NTN4: variants seen among roughly 807,000 people sequenced by gnomAD.
The protein encoded by NTN4 is netrin 4.
In NTN4, 32 loss-of-function variants were observed where a neutral mutation model predicts 73.6. The observed-to-expected ratio is 0.44, with a 90% CI of 0.33 to 0.58. NTN4 has a LOEUF of 0.58. NTN4 is among the 20% of genes least tolerant of loss of function. The pLI is 0.04. For synonymous variants in NTN4, 258 were observed against 287.5 expected, an observed-to-expected ratio of 0.90 and a Z score of 1.04; for missense variants, 654 against 798.3, an observed-to-expected ratio of 0.82 and a Z score of 2.18.
At chr12:95,735,905 T>TTTATTTA (rs2078773085) in intron 3 of NTN4, among the ~76,000 whole-genome samples, 6 of 101,616 alleles carry the variant, frequency 5.9e-5, no homozygotes, top group Non-Finnish European at 7.5e-5. Flanking sequence ...TTTTTTAAAT[T>TTTATTTA]TTTATTTATT....
At chr12:95,684,343 G>A (rs1483576077) in intron 5 of NTN4, among the ~76,000 whole-genome samples, 1 of 151,886 alleles carries the variant, frequency 6.6e-6, no homozygotes, top group Non-Finnish European at 1.5e-5. Context: ...CTATCACCAA[G>A]ACCAGAGTGC....
At chr12:95,749,458 C>T (rs375372711) in intron 2 of NTN4, among the ~76,000 whole-genome samples, 6 of 152,302 alleles carry the variant, frequency 3.9e-5, no homozygotes, top group African/African-American at 1.4e-4. Context: ...ACTCTCTTCT[C>T]CAACCTCTCT....
At chr12:95,721,900 G>A (rs2078650563) in intron 3 of NTN4, among the ~76,000 whole-genome samples, 1 of 152,108 alleles carries the variant, frequency 6.6e-6, no homozygotes, top group African/African-American at 2.4e-5. Flanking sequence ...GTATTCAGAA[G>A]TGCAAGTGTG....
At chr12:95,738,234 CT>C in intron 2 of NTN4, 90 bp from the exon 3 acceptor site, 1 of 1,176,382 alleles carries the variant, frequency 8.5e-7, no homozygotes, top group Non-Finnish European at 1.2e-6. Context: ...TGATTTATGC[CT>C]TATGTCATCT....
intron 2 of NTN4, among the ~76,000 whole-genome samples, chr12:95,751,294 C>T (rs1274989764): frequency 6.6e-6 from 1 of 151,618 alleles, no homozygotes; most frequent in African/African-American, 2.4e-5. Flanking sequence ...TAATTAACCT[C>T]GCCTTCAAGG....
intron 2 of NTN4, among the ~76,000 whole-genome samples, chr12:95,760,520 G>C (rs6538671): frequency 5.9e-5 from 9 of 151,934 alleles, no homozygotes; most frequent in Non-Finnish European, 1.0e-4. Flanking sequence ...TCCTCAACTT[G>C]GTGGGCCCAC....
chr12:95,780,099 G>A (rs2079121555), intron 2 of NTN4, among the ~76,000 whole-genome samples: 1 of 152,106 alleles, frequency 6.6e-6, no homozygotes, highest in South Asian at 2.1e-4. Context: ...CTAGCCATAT[G>A]TAGAAAGCTG....
intron 7 of NTN4, among the ~76,000 whole-genome samples, chr12:95,671,794 G>C (rs1401489425): frequency 6.6e-6 from 1 of 152,004 alleles, no homozygotes; most frequent in Admixed American, 6.6e-5. Flanking sequence ...TACATTTCTG[G>C]AGCCCAGCAT....
chr12:95,662,481 T>G (rs1040141328), intron 9 of NTN4, among the ~76,000 whole-genome samples: 1 of 152,086 alleles, frequency 6.6e-6, no homozygotes, highest in Non-Finnish European at 1.5e-5. Context: ...TCCACCCACC[T>G]CAACCTCCCA....
chr12:95,681,563 G>A (rs2078316270), intron 7 of NTN4, among the ~76,000 whole-genome samples: 1 of 152,188 alleles, frequency 6.6e-6, no homozygotes, highest in African/African-American at 2.4e-5. Context: ...ATAGCCAAGT[G>A]TTGACGCAAT....
At chr12:95,767,146 GTC>G (rs1347713234) in intron 2 of NTN4, among the ~76,000 whole-genome samples, 1 of 151,974 alleles carries the variant, frequency 6.6e-6, no homozygotes, top group Non-Finnish European at 1.5e-5. Flanking sequence ...ATCTTCCTCT[GTC>G]TCCCTTTCTT....
chr12:95,789,333 G>T lies in NTN4; in HGVS notation c.55+922C>A, dbSNP rs574961059. Among the ~76,000 whole-genome samples the T allele has an allele frequency of 6.6e-6, 1 of 152,140 alleles. No individual in the cohort carries two copies. The highest frequency in any genetic ancestry group is 1.5e-5 in the Non-Finnish European group (1 of 68,034). ...ACCAGCGCATCCCTCTAGCCCAGGC[G>T]CCCCTTTCTGAAGCAGTCAAGATCC... On this transcript the variant is annotated intron_variant, in intron 1 of 9. Coordinates refer to ENST00000343702, the MANE Select transcript of NTN4 (RefSeq NM_021229.4). The surrounding 1 kb of genome is among the most constrained non-coding windows in gnomAD (Gnocchi z 4.0).
intron 2 of NTN4, among the ~76,000 whole-genome samples, chr12:95,754,462 A>T (rs1301920364): frequency 6.6e-6 from 1 of 152,196 alleles, no homozygotes; most frequent in Non-Finnish European, 1.5e-5. Context: ...CAGGAATGTC[A>T]GGCCTCTGAG....
chr12:95,721,089 C>A (rs552848727), intron 3 of NTN4, among the ~76,000 whole-genome samples: 19 of 152,326 alleles, frequency 1.2e-4, no homozygotes, highest in Non-Finnish European at 2.6e-4. Context: ...CTCATCTTAA[C>A]CCCTAAACTA....
chr12:95,779,714 G>A (rs987119907), intron 2 of NTN4, among the ~76,000 whole-genome samples: 1 of 152,072 alleles, frequency 6.6e-6, no homozygotes, highest in Non-Finnish European at 1.5e-5. Flanking sequence ...TCAATATCGT[G>A]AAAATGGCCA....
intron 3 of NTN4, among the ~76,000 whole-genome samples, chr12:95,722,973 C>CAAAAAAAA (rs71087998): frequency 3.6e-5 from 2 of 55,368 alleles, no homozygotes; most frequent in African/African-American, 1.4e-4. Flanking sequence ...GACTCTGTCT[C>CAAAAAAAA]AAAAAAAAAA....
At chr12:95,684,150 T>C (rs1292415142) in intron 5 of NTN4, among the ~76,000 whole-genome samples, 1 of 152,152 alleles carries the variant, frequency 6.6e-6, no homozygotes, top group Non-Finnish European at 1.5e-5. Flanking sequence ...TGATGGAGTA[T>C]TGCATTTGAA....
intron 7 of NTN4, chr12:95,672,354 C>T: frequency 1.2e-6 from 1 of 809,840 alleles, no homozygotes. Flanking sequence ...TGCATGGAAC[C>T]TGGAGATCCA....
At chr12:95,698,862 A>T (rs1457546342) in intron 5 of NTN4, among the ~76,000 whole-genome samples, 1 of 151,898 alleles carries the variant, frequency 6.6e-6, no homozygotes. Context: ...GCCTCAAAAA[A>T]AAAATAAAAT....
Sources: gnomAD v4.1 joint callset for allele counts (sites outside exome capture counted in the v4.1 genomes callset) on GRCh38, gnomAD v4.1.1 for gene constraint, Gnocchi (gnomAD v3.1) non-coding constraint, MANE v1.5 for transcripts, NCBI Gene and HGNC (gene_info 2026-07-23, HGNC 2026-07-21) for gene names.